KCNQ1: variants seen among roughly 807,000 people sequenced by gnomAD.
KCNQ1 encodes the protein potassium voltage-gated channel subfamily KQT member 1.
Under a neutral mutation model 72.4 loss-of-function variants are expected in KCNQ1, and 49 were observed. The ratio of observed to expected loss-of-function variants is 0.68; its 90% confidence interval spans 0.54 to 0.86. KCNQ1 has a LOEUF of 0.86. KCNQ1 is among the 40% of genes least tolerant of loss of function. KCNQ1 has a pLI of 0.00. For synonymous variants in KCNQ1, 450 were observed against 412.6 expected (o/e 1.09, Z -1.10); for missense variants, 790 against 945.1 (o/e 0.84, Z 2.15).
intron 1 of KCNQ1, chr11:2,461,590 T>A: frequency 7.4e-7 from 1 of 1,358,478 alleles, no homozygotes; most frequent in Non-Finnish European, 9.8e-7. Flanking sequence ...CTGCTTTTGT[T>A]TACGTGGCCC....
At position 2,657,460 on chromosome 11, in the gene KCNQ1, A is replaced by G. The variant is rs1849870299; in HGVS notation, c.1394-4501A>G. ...AATTAATATTCTTTTGTGCTATTGT[A>G]TACAGGTTCTGTTTTCTCTTGTTAC... On this transcript the variant is annotated intron_variant, in intron 10 of 15. Transcript: ENST00000155840. The surrounding 1 kb of genome is among the most constrained non-coding windows in gnomAD (Gnocchi z 4.8). The G allele has an allele frequency of 2.8e-5, 11 of 398,446 alleles. No individual in the cohort carries two copies. The highest frequency in any genetic ancestry group is 4.4e-5 in the Non-Finnish European group (10 of 226,040). The allele number at this position is 398,446 out of a possible 1,614,324, so 24.7% of individuals were successfully genotyped here.
In KCNQ1 at chr11:2,671,945, T is replaced by C. The variant is rs1250023934; in HGVS notation, c.1514+9864T>C. ...TCCTCAGGCAGCTAGTCTCTGTATC[T>C]GGGGTAGAAAGAGTGGGCTAAAAAG... On this transcript the variant is annotated intron_variant, in intron 11 of 15. Coordinates refer to ENST00000155840, the MANE Select transcript of KCNQ1 (RefSeq NM_000218.3). This position sits in a 1 kb window ranked among gnomAD's most constrained non-coding sequence, Gnocchi z 4.7. The C allele has an allele frequency of 7.5e-6, 3 of 398,538 alleles. No individual in the cohort carries two copies. The Middle Eastern group carries it at 1.9e-3, about 248-fold the overall frequency. The allele number at this position is 398,538 out of a possible 1,614,324, so 24.7% of individuals were successfully genotyped here.
intron 1 of KCNQ1, among the ~76,000 whole-genome samples, chr11:2,485,422 G>A (rs1409544946): frequency 7.1e-6 from 1 of 141,500 alleles, no homozygotes; most frequent in Non-Finnish European, 1.5e-5. Flanking sequence ...TCTCTTGCAG[G>A]CCTCTCGCAC....
chr11:2,730,729 G>A (rs78677456), intron 11 of KCNQ1, among the ~76,000 whole-genome samples: 3,816 of 152,322 alleles, frequency 0.025, 160 homozygotes, highest in African/African-American at 0.087. Context: ...GGTATGAACT[G>A]CTGCAGGTGG....
chr11:2,636,631 T>C (rs1849470938), intron 10 of KCNQ1: 1 of 152,084 alleles, frequency 6.6e-6, no homozygotes, highest in Non-Finnish European at 1.5e-5. Flanking sequence ...ATCAGGGATA[T>C]TGGTCTAAAA....
Position 2,586,421 on chromosome 11 carries a change from G to A in KCNQ1, c.1128+1114G>A, listed in dbSNP as rs181845629. Among the ~76,000 whole-genome samples the A allele has an allele frequency of 3.2e-3, 487 of 152,266 alleles. 9 individuals carry two copies. Among genetic ancestry groups the A allele is most frequent in the Non-Finnish European group, 9.7e-4 (66 of 68,002 alleles). Reference sequence around the variant, plus strand: ...GACCATAAATCAGGCCCGTAAACCCGCCTTGGTCCCAGCATGAGCATGCTG... The same window carrying A: ...GACCATAAATCAGGCCCGTAAACCCACCTTGGTCCCAGCATGAGCATGCTG... On this transcript the variant is annotated intron_variant, in intron 8 of 15. Transcript: ENST00000155840.
chr11:2,449,326 T>C (rs1171070963), intron 1 of KCNQ1, among the ~76,000 whole-genome samples: 1 of 152,204 alleles, frequency 6.6e-6, no homozygotes, highest in Non-Finnish European at 1.5e-5. Flanking sequence ...CCTTTTTGCT[T>C]GGCAGTTGCG....
In KCNQ1 at chr11:2,776,032, C is replaced by A. The variant is rs120074185; in HGVS notation, c.1663C>A (p.Arg555Ser). ...YSQGHLNLMV[R>S]IKELQRRLDQ... ...GCAGGGCCACCTCAACCTCATGGTG[C>A]GCATCAAGGAGCTGCAGAGGAGGTG... The change falls in exon 13 of 16, where the codon CGC (arginine) becomes AGC (serine). Residue 555 changes from arginine (R) to serine (S), a missense_variant. Coordinates refer to ENST00000155840, the MANE Select transcript of KCNQ1 (RefSeq NM_000218.3). The A allele has an allele frequency of 3.8e-6, 6 of 1,568,650 alleles. No individual in the cohort carries two copies. Among genetic ancestry groups the A allele is most frequent in the South Asian group, 3.5e-5 (3 of 85,220 alleles).
chr11:2,770,809 G>A (rs1429674921), intron 12 of KCNQ1, among the ~76,000 whole-genome samples: 1 of 152,254 alleles, frequency 6.6e-6, no homozygotes, highest in Admixed American at 6.5e-5. Context: ...GCTGGAGCAG[G>A]GAGCTCACTC....
chr11:2,447,985 G>A lies in KCNQ1; in HGVS notation c.386+2501G>A, dbSNP rs751937856. ...TCCCTGGGCTGGCCGGGGTGGACACGGCACCTGGGCCACAACTCTTGCCCG... is the reference window on the plus strand; with the variant it reads ...TCCCTGGGCTGGCCGGGGTGGACACAGCACCTGGGCCACAACTCTTGCCCG... On this transcript the variant is annotated intron_variant, in intron 1 of 15. Coordinates refer to ENST00000155840, the MANE Select transcript of KCNQ1 (RefSeq NM_000218.3). This position sits in a 1 kb window ranked among gnomAD's most constrained non-coding sequence, Gnocchi z 7.6. 2.0e-5 allele frequency among the ~76,000 whole-genome samples: 3 copies of A among 152,188 alleles called. No individual in the cohort carries two copies. Among genetic ancestry groups the A allele is most frequent in the Non-Finnish European group, 2.9e-5 (2 of 68,000 alleles).
rs1849006532 is a variant in KCNQ1 at position 2,613,033 on chromosome 11, G to A, written c.1393+24179G>A. ...ATTCTTATGTTTGTTTTGTAAGCCTGGCTTCATTGGTGTCACCCCTGGATC... is the reference window on the plus strand; with the variant it reads ...ATTCTTATGTTTGTTTTGTAAGCCTAGCTTCATTGGTGTCACCCCTGGATC... On this transcript the variant is annotated intron_variant, in intron 10 of 15. Coordinates refer to ENST00000155840, the MANE Select transcript of KCNQ1 (RefSeq NM_000218.3). The surrounding 1 kb of genome is among the most constrained non-coding windows in gnomAD (Gnocchi z 4.8). 2 of 398,430 alleles carry A rather than the reference G, an allele frequency of 5.0e-6. No individual in the cohort carries two copies. Among genetic ancestry groups the A allele is most frequent in the Non-Finnish European group, 4.4e-6 (1 of 226,078 alleles). The allele number at this position is 398,430 out of a possible 1,614,324, so 24.7% of individuals were successfully genotyped here. A position where few individuals can be genotyped will look rare whatever the true frequency, so the allele number is the denominator to read the frequency against.
chr11:2,555,097 G>C (rs1034919515), intron 2 of KCNQ1, among the ~76,000 whole-genome samples: 2 of 152,164 alleles, frequency 1.3e-5, no homozygotes, highest in African/African-American at 4.8e-5. Context: ...GGCCGGTGTG[G>C]GTTGCAGCTC....
At chr11:2,722,102 G>T (rs1162606600) in intron 11 of KCNQ1, among the ~76,000 whole-genome samples, 2 of 152,122 alleles carry the variant, frequency 1.3e-5, no homozygotes, top group Non-Finnish European at 2.9e-5. Context: ...GTCCTGGCAG[G>T]CACAGGGTAT....
Position 2,653,013 on chromosome 11 carries a change from TTCTGCAC to T in KCNQ1, c.1394-8947_1394-8941del, listed in dbSNP as rs1445807729. ...CACTGTCATGCTTGAGGCAAATCTATTCTGCACACCTTTGATCCAATGTGAGATCCAA... is the reference window on the plus strand; with the variant it reads ...CACTGTCATGCTTGAGGCAAATCTATACCTTTGATCCAATGTGAGATCCAA... On this transcript the variant is annotated intron_variant, in intron 10 of 15. Transcript: ENST00000155840. This position sits in a 1 kb window ranked among gnomAD's most constrained non-coding sequence, Gnocchi z 5.3. 1 of 398,566 alleles carries T rather than the reference TTCTGCAC, an allele frequency of 2.5e-6. No homozygotes were observed. The highest frequency in any genetic ancestry group is 2.1e-5 in the African/African-American group (1 of 48,652). 24.7% of individuals were successfully genotyped at this position (398,566 alleles called of 1,614,324 possible).
intron 11 of KCNQ1, among the ~76,000 whole-genome samples, chr11:2,733,863 CCA>C: frequency 9.5e-6 from 1 of 105,406 alleles, no homozygotes; most frequent in African/African-American, 4.2e-5. Flanking sequence ...CTCTCCCCCC[CCA>C]CTTCAGGGCC....
chr11:2,846,817 G>A (rs778321239), intron 15 of KCNQ1, among the ~76,000 whole-genome samples: 18 of 152,370 alleles, frequency 1.2e-4, no homozygotes, highest in Non-Finnish European at 2.2e-4. Context: ...TGCTGCCTCC[G>A]CAGCACTGCG....
chr11:2,796,224 C>T (rs1432826435), intron 15 of KCNQ1, among the ~76,000 whole-genome samples: 3 of 152,204 alleles, frequency 2.0e-5, no homozygotes, highest in African/African-American at 7.2e-5. Context: ...CATGTCCCAC[C>T]AGAAGCCAGC....
chr11:2,817,660 C>G lies in KCNQ1; in HGVS notation c.1795-30107C>G, dbSNP rs868813493. Among the ~76,000 whole-genome samples, 2 of 152,106 alleles carry G rather than the reference C, an allele frequency of 1.3e-5. No homozygotes were observed. Among genetic ancestry groups the G allele is most frequent in the Non-Finnish European group, 2.9e-5 (2 of 68,020 alleles). Reference sequence around the variant, plus strand: ...CATCACAGAGGTGGTGAGAGCTACCCCGGGTCTGGGGACTGTTAGCACAGA... The same window carrying G: ...CATCACAGAGGTGGTGAGAGCTACCGCGGGTCTGGGGACTGTTAGCACAGA... On this transcript the variant is annotated intron_variant, in intron 15 of 15. Coordinates refer to ENST00000155840, the MANE Select transcript of KCNQ1 (RefSeq NM_000218.3). This position sits in a 1 kb window ranked among gnomAD's most constrained non-coding sequence, Gnocchi z 6.1.
intron 2 of KCNQ1, among the ~76,000 whole-genome samples, chr11:2,542,338 C>G (rs1303706675): frequency 6.6e-6 from 1 of 152,216 alleles, no homozygotes; most frequent in Non-Finnish European, 1.5e-5. Context: ...TAGGGGAAGC[C>G]GGTGTAAGGG....
Sources: allele counts gnomAD v4.1 joint callset (sites outside exome capture counted in the v4.1 genomes callset), GRCh38; gene constraint gnomAD v4.1.1; non-coding constraint Gnocchi (gnomAD v3.1); transcripts MANE v1.5; gene names NCBI Gene and HGNC (gene_info 2026-07-23, HGNC 2026-07-21).